SYNE3: variants seen among roughly 807,000 people sequenced by gnomAD.
SYNE3 encodes nesprin-3.
In SYNE3, 100 loss-of-function variants were observed where a neutral mutation model predicts 111.2. That is an observed-to-expected ratio of 0.90 (90% confidence interval 0.77 to 1.06). SYNE3 has a LOEUF of 1.06. SYNE3 is among the 50% of genes least tolerant of loss of function. The probability of loss-of-function intolerance (pLI) is 0.00; values close to 1 mark genes in which losing one functional copy is unlikely to be tolerated. For synonymous variants in SYNE3, 547 were observed against 533.9 expected, an observed-to-expected ratio of 1.02 and a Z score of -0.34; for missense variants, 1,160 against 1,240.3, an observed-to-expected ratio of 0.94 and a Z score of 0.97.
At chr14:95,474,204 G>C (rs1364509885) in intron 2 of SYNE3, among the ~76,000 whole-genome samples, 1 of 152,276 alleles carries the variant, frequency 6.6e-6, no homozygotes, top group African/African-American at 2.4e-5. Context: ...GGCTGGAAAA[G>C]AGAGTGGTGC....
chr14:95,461,290 G>T (rs1046879543), intron 4 of SYNE3, among the ~76,000 whole-genome samples: 13 of 152,218 alleles, frequency 8.5e-5, no homozygotes, highest in African/African-American at 3.1e-4. Flanking sequence ...TTCTGTGAGG[G>T]CCGCCACGGG....
chr14:95,513,493 A>T (rs1477537275), intron 1 of SYNE3, among the ~76,000 whole-genome samples: 1 of 152,052 alleles, frequency 6.6e-6, no homozygotes. Flanking sequence ...CATTCTGCTA[A>T]AGCATCATCC....
chr14:95,439,523 T>A (rs1886286626), intron 13 of SYNE3, 89 bp downstream of exon 13: 1 of 1,542,398 alleles, frequency 6.5e-7, no homozygotes, highest in Admixed American at 1.7e-5. Context: ...GGCAGCACCC[T>A]GGCCCTCTGC....
At chr14:95,435,069 C>T (rs1435537159) in intron 15 of SYNE3, among the ~76,000 whole-genome samples, 1 of 152,132 alleles carries the variant, frequency 6.6e-6, no homozygotes, top group African/African-American at 2.4e-5. Flanking sequence ...AAATAATATA[C>T]AACAGAAACA....
intron 1 of SYNE3, among the ~76,000 whole-genome samples, chr14:95,499,900 C>T (rs1474996537): frequency 8.9e-6 from 1 of 112,318 alleles, no homozygotes; most frequent in African/African-American, 3.6e-5. Flanking sequence ...GCTCTTGTTG[C>T]CCAGGCTGGA....
rs770327286 is a variant in SYNE3, at chr14:95,409,559, A to G, written c.*8267T>C. 2 of 376,802 alleles carry G rather than the reference A, an allele frequency of 5.3e-6. No individual in the cohort carries two copies. Among genetic ancestry groups the G allele is most frequent in the Admixed American group, 3.5e-5 (1 of 28,714 alleles). 23.3% of individuals were successfully genotyped at this position (376,802 alleles called of 1,614,324 possible). On this transcript the variant is annotated 3_prime_UTR_variant, in exon 18 of 18. Coordinates refer to ENST00000682763, the MANE Select transcript of SYNE3 (RefSeq NM_152592.6). ...TGGTTGGGTTGGGGATGATGTTACC[A>G]TGACAACCGGAGAGCAGGTGCTGGG...
At chr14:95,428,369 T>C (rs1047064896) in intron 17 of SYNE3, among the ~76,000 whole-genome samples, 7 of 152,050 alleles carry the variant, frequency 4.6e-5, no homozygotes, top group Non-Finnish European at 1.0e-4. Context: ...ACCTAAATCT[T>C]CACTGGAAGA....
intron 7 of SYNE3, 74 bp downstream of exon 7, chr14:95,452,172 GC>G: frequency 6.8e-7 from 1 of 1,479,846 alleles, no homozygotes; most frequent in Admixed American, 2.2e-5. Flanking sequence ...GAGAAAGCAA[GC>G]CCGCCTTCTG....
At chr14:95,497,813 C>A (rs1890159909) in intron 1 of SYNE3, among the ~76,000 whole-genome samples, 1 of 152,164 alleles carries the variant, frequency 6.6e-6, no homozygotes, top group African/African-American at 2.4e-5. Context: ...CAGCAGGCCA[C>A]AGTTTGTCAA....
intron 1 of SYNE3, among the ~76,000 whole-genome samples, chr14:95,478,838 G>A (rs1048880249): frequency 6.6e-6 from 1 of 152,130 alleles, no homozygotes; most frequent in Admixed American, 6.5e-5. Context: ...ATAGGCTGTC[G>A]TGAGCCATCC....
At chr14:95,424,103 G>T (rs11626428) in intron 17 of SYNE3, among the ~76,000 whole-genome samples, 29,552 of 151,940 alleles carry the variant, frequency 0.19, 3,123 homozygotes, top group East Asian at 0.29. Flanking sequence ...GGAGAGACCT[G>T]CATTACAGAT....
chr14:95,483,295 C>T (rs1193240840), intron 1 of SYNE3, among the ~76,000 whole-genome samples: 1 of 152,210 alleles, frequency 6.6e-6, no homozygotes, highest in Non-Finnish European at 1.5e-5. Context: ...TGCCCCTGCT[C>T]TGTCAAGCTG....
intron 17 of SYNE3, among the ~76,000 whole-genome samples, chr14:95,428,134 A>C (rs1008409940): frequency 6.6e-6 from 1 of 152,204 alleles, no homozygotes; most frequent in Non-Finnish European, 1.5e-5. Context: ...CCCACCTCAC[A>C]GAAAGAGGAG....
rs959395498 is a variant in SYNE3 at position 95,417,734 on chromosome 14, C to T, written c.*92G>A. On this transcript the variant is annotated 3_prime_UTR_variant, in exon 18 of 18. Coordinates refer to ENST00000682763, the MANE Select transcript of SYNE3 (RefSeq NM_152592.6). ...TGCAGCTCTGCAGTCTTTGCCCTGC[C>T]CCTGTTTCCAGTTTCCCTGGCGAGC... is the stretch of plus-strand genomic sequence containing the variant. The T allele has an allele frequency of 4.4e-6, 6 of 1,370,984 alleles. No individual in the cohort carries two copies. The Admixed American group carries it at 5.0e-5, about 12-fold the overall frequency. The allele number at this position is 1,370,984 out of a possible 1,614,324, so 84.9% of individuals were successfully genotyped here.
At chr14:95,449,727 C>A in intron 8 of SYNE3, 7 of 975,800 alleles carry the variant, frequency 7.2e-6, no homozygotes, top group Non-Finnish European at 8.5e-6. Context: ...GGGTTAACCC[C>A]CAGGAGCCGA....
chr14:95,513,552 A>C (rs1221085626), intron 1 of SYNE3, among the ~76,000 whole-genome samples: 1 of 151,936 alleles, frequency 6.6e-6, no homozygotes, highest in Non-Finnish European at 1.5e-5. Flanking sequence ...GAAGTATTTC[A>C]AGAGGTCAAA....
intron 17 of SYNE3, among the ~76,000 whole-genome samples, chr14:95,420,629 C>T (rs541311562): frequency 2.0e-5 from 3 of 152,250 alleles, no homozygotes; most frequent in East Asian, 1.9e-4. Flanking sequence ...TTAGACCTCA[C>T]GTCCTCACTT....
rs769048684 is a variant in SYNE3, at chr14:95,409,878, A to G, written c.*7948T>C. 3 of 165,788 alleles carry G rather than the reference A, an allele frequency of 1.8e-5. No individual in the cohort carries two copies. Among genetic ancestry groups the G allele is most frequent in the Non-Finnish European group, 2.7e-5 (2 of 75,320 alleles). 10.3% of individuals were successfully genotyped at this position (165,788 alleles called of 1,614,324 possible). A position where few individuals can be genotyped will look rare whatever the true frequency, so the allele number is the denominator to read the frequency against. On this transcript the variant is annotated 3_prime_UTR_variant, in exon 18 of 18. Coordinates refer to ENST00000682763, the MANE Select transcript of SYNE3 (RefSeq NM_152592.6). ...ACCCACTTTCCTTTTCAAAGCCTCA[A>G]TTGTCTGCTACAAAACAAAGAGCTG... is the stretch of plus-strand genomic sequence containing the variant.
intron 8 of SYNE3, 30 bp downstream of exon 8, chr14:95,449,901 G>T (rs1192945888): frequency 7.7e-7 from 1 of 1,296,172 alleles, no homozygotes; most frequent in Non-Finnish European, 1.1e-6. Context: ...GCCCACCCCA[G>T]CCCCACCCAG....
Sources: allele counts gnomAD v4.1 joint callset (sites outside exome capture counted in the v4.1 genomes callset), GRCh38; gene constraint gnomAD v4.1.1; transcripts MANE v1.5; gene names NCBI Gene and HGNC (gene_info 2026-07-23, HGNC 2026-07-21).